Variants in UGT1A10 observed in about 807,000 individuals in gnomAD.
The protein encoded by UGT1A10 is UDP-glucuronosyltransferase 1A10.
UGT1A10 carries 49 observed loss-of-function variants against 45.8 expected under a neutral mutation model. The observed-to-expected ratio is 1.07, with a 90% confidence interval of 0.85 to 1.36. The LOEUF is 1.36. UGT1A10 is among the 40% of genes most tolerant of loss of function. The pLI is 0.00. For missense variants in UGT1A10, 745 were observed against 668.6 expected (o/e 1.11, Z -1.26); for synonymous variants, 284 against 249.7 (o/e 1.14, Z -1.29).
intron 1 of UGT1A10, among the ~76,000 whole-genome samples, chr2:233,680,328 C>T (rs1023076830): frequency 1.1e-4 from 16 of 152,244 alleles, no homozygotes; most frequent in South Asian, 4.1e-4. Flanking sequence ...AGAAGAAACG[C>T]GCAGAGGGTA....
At chr2:233,747,673 T>G in intron 1 of UGT1A10, 1 of 1,605,188 alleles carries the variant, frequency 6.2e-7, no homozygotes, top group Non-Finnish European at 8.5e-7. Context: ...ATAGACCCAA[T>G]TTACCTCTGT....
At chr2:233,671,742 T>C (rs1305793766) in intron 1 of UGT1A10, 1 of 1,242,124 alleles carries the variant, frequency 8.1e-7, no homozygotes, top group Non-Finnish European at 1.1e-6. Flanking sequence ...AACATACAAA[T>C]AGATATCTCA....
Position 233,737,047 on chromosome 2 carries a change from C to G in UGT1A10, c.856-29987C>G, listed in dbSNP as rs559935020. On this transcript the variant is annotated intron_variant, in intron 1 of 4. Coordinates refer to ENST00000344644, the MANE Select transcript of UGT1A10 (RefSeq NM_019075.4). ...CCATTCTCAGAGCTCAAATGCCATA[C>G]TAGGAGAACGAGTGCTCTCTTCAGA... Among the ~76,000 whole-genome samples the G allele has an allele frequency of 2.6e-4, 39 of 152,330 alleles. No homozygotes were observed. In the South Asian group the frequency reaches 7.7e-3, roughly 30 times the overall value.
intron 1 of UGT1A10, among the ~76,000 whole-genome samples, chr2:233,749,630 C>T (rs1185419016): frequency 6.6e-6 from 1 of 151,806 alleles, no homozygotes. Context: ...CTCTGTATCC[C>T]CCACCAAATC....
chr2:233,729,337 G>C (rs775234844), intron 1 of UGT1A10: 11 of 1,614,232 alleles, frequency 6.8e-6, no homozygotes, highest in African/African-American at 5.3e-5. Context: ...GCACATCAAA[G>C]AAGAGAACTT....
Position 233,772,534 on chromosome 2 carries a change from A to T in UGT1A10, c.1568A>T (p.Lys523Ile). 6.2e-7 allele frequency: 1 copy of T among 1,614,216 alleles called. No homozygotes were observed. Among genetic ancestry groups the T allele is most frequent in the South Asian group, 1.1e-5 (1 of 91,086 alleles). The change falls in exon 5 of 5, where the codon AAA becomes ATA. Residue 523 changes from lysine to isoleucine, a missense_variant. Lys to Ile is a moderately radical substitution (Grantham distance 102). Transcript: ENST00000344644. The stretch of plus-strand genomic sequence containing the variant: ...TTGGGGAAAAAAGGGCGAGTTAAGA[A>T]AGCCCACAAATCCAAGACCCATTGA... ...KCLGKKGRVK[K>I]AHKSKTH
chr2:233,697,239 A>G (rs2075381553), intron 1 of UGT1A10, among the ~76,000 whole-genome samples: 1 of 152,000 alleles, frequency 6.6e-6, no homozygotes, highest in Non-Finnish European at 1.5e-5. Context: ...ACTTTTTATT[A>G]CTGCTTCAAT....
chr2:233,735,959 A>G (rs1268805881), intron 1 of UGT1A10, among the ~76,000 whole-genome samples: 1 of 151,776 alleles, frequency 6.6e-6, no homozygotes, highest in Non-Finnish European at 1.5e-5. Flanking sequence ...CCTTCATTTC[A>G]ACTTTGGTGA....
chr2:233,747,597 G>A (rs1160963474), intron 1 of UGT1A10: 51 of 1,576,164 alleles, frequency 3.2e-5, no homozygotes, highest in Non-Finnish European at 4.2e-5. Context: ...TAGGTCTTGT[G>A]TGGAGCTACT....
chr2:233,644,486 C>T (rs187049868), intron 1 of UGT1A10, among the ~76,000 whole-genome samples: 72 of 152,150 alleles, frequency 4.7e-4, no homozygotes, highest in South Asian at 4.6e-3. Context: ...GCTTGAACCT[C>T]GGAGGCAGAG....
At chr2:233,735,660 T>C (rs2078678346) in intron 1 of UGT1A10, among the ~76,000 whole-genome samples, 1 of 152,214 alleles carries the variant, frequency 6.6e-6, no homozygotes, top group South Asian at 2.1e-4. Flanking sequence ...GGTGTTTCTT[T>C]CCATGTTTAG....
In UGT1A10 at chr2:233,772,387, C is replaced by T; in HGVS notation, c.1421C>T (p.Ala474Val). The stretch of plus-strand genomic sequence containing the variant: ...AAGGGCGCGCCACACCTGCGCCCCG[C>T]AGCCCACGACCTCACCTGGTACCAG... ...RHKGAPHLRPAAHDLTWYQYH... is the reference protein window; with the variant it reads ...RHKGAPHLRPVAHDLTWYQYH... Residue 474 changes from alanine to valine, a missense_variant, in exon 5 of 5, where the codon GCA (alanine) becomes GTA (valine). Physicochemically the swap from Ala to Val is moderately conservative, Grantham distance 64. Coordinates refer to ENST00000344644, the MANE Select transcript of UGT1A10 (RefSeq NM_019075.4). The T allele has an allele frequency of 6.2e-7, 1 of 1,614,274 alleles. No homozygotes were observed. The highest frequency in any genetic ancestry group is 1.1e-5 in the South Asian group (1 of 91,092).
intron 1 of UGT1A10, chr2:233,747,264 A>G (rs1440326311): frequency 6.9e-5 from 111 of 1,598,996 alleles, no homozygotes; most frequent in Non-Finnish European, 9.0e-5. Flanking sequence ...CAGGAGTGCT[A>G]CTCCTTCTCA....
chr2:233,719,347 T>C, intron 1 of UGT1A10: 1 of 1,613,896 alleles, frequency 6.2e-7, no homozygotes, highest in Non-Finnish European at 8.5e-7. Flanking sequence ...TGGAGGTACA[T>C]TCCATGTGAC....
At chr2:233,710,419 A>G (rs1041680832) in intron 1 of UGT1A10, among the ~76,000 whole-genome samples, 3 of 152,226 alleles carry the variant, frequency 2.0e-5, no homozygotes, top group Non-Finnish European at 4.4e-5. Context: ...TATTTGTGCT[A>G]AGACTTGCTA....
At chr2:233,641,199 A>G (rs2073443100) in intron 1 of UGT1A10, among the ~76,000 whole-genome samples, 1 of 152,060 alleles carries the variant, frequency 6.6e-6, no homozygotes, top group African/African-American at 2.4e-5. Flanking sequence ...TTCTCTAATA[A>G]ATCTGCCTTT....
intron 1 of UGT1A10, among the ~76,000 whole-genome samples, chr2:233,675,777 A>T (rs1327372769): frequency 1.3e-5 from 2 of 152,202 alleles, no homozygotes; most frequent in Non-Finnish European, 2.9e-5. Flanking sequence ...AAAACTTTTA[A>T]AAATAAATTT....
In UGT1A10 at chr2:233,769,617, A is replaced by AG; in HGVS notation, c.1295+1179dup. 6.2e-7 allele frequency: 1 copy of AG among 1,612,702 alleles called. No individual in the cohort carries two copies. The highest frequency in any genetic ancestry group is 2.2e-5 in the East Asian group (1 of 44,882). On this transcript the variant is annotated intron_variant, in intron 4 of 4. Coordinates refer to ENST00000344644, the MANE Select transcript of UGT1A10 (RefSeq NM_019075.4). The surrounding 1 kb of genome is among the most constrained non-coding windows in gnomAD (Gnocchi z 4.4). ...CGGAACACGGGGACACACCAGCTTG[A>AG]GCAAGGGACAACAGGGGAGGACTGA...
Position 233,715,341 on chromosome 2 carries a change from TAGGTTTG to T in UGT1A10, c.856-51683_856-51677del, listed in dbSNP as rs563425877. On this transcript the variant is annotated intron_variant, in intron 1 of 4. Coordinates refer to ENST00000344644, the MANE Select transcript of UGT1A10 (RefSeq NM_019075.4). ...TACATAGTGATTAGATTGGTGCATGTAGGTTTGAGGTTTGAGACTTATATTTTCTTCA... is the reference window on the plus strand; with the variant it reads ...TACATAGTGATTAGATTGGTGCATGTAGGTTTGAGACTTATATTTTCTTCA... 4.5e-3 allele frequency among the ~76,000 whole-genome samples: 684 copies of T among 152,178 alleles called. 4 individuals are homozygous for T. Among genetic ancestry groups the T allele is most frequent in the African/African-American group, 0.016 (645 of 41,522 alleles).
Sources: allele counts gnomAD v4.1 joint callset (sites outside exome capture counted in the v4.1 genomes callset), GRCh38; gene constraint gnomAD v4.1.1; non-coding constraint Gnocchi (gnomAD v3.1); transcripts MANE v1.5; gene names NCBI Gene and HGNC (gene_info 2026-07-23, HGNC 2026-07-21).